EDIL3: variants seen among roughly 807,000 people sequenced by gnomAD.
EDIL3 encodes EGF-like repeat and discoidin I-like domain-containing protein 3.
EDIL3 carries 37 observed loss-of-function variants against 67.4 expected under a neutral mutation model. That is an observed-to-expected ratio of 0.55 (90% confidence interval 0.42 to 0.72). The LOEUF is 0.72. Ranked by LOEUF, EDIL3 falls within the 30% of genes least tolerant of loss-of-function variation. The probability of loss-of-function intolerance (pLI) is 0.00; values close to 1 mark genes in which losing one functional copy is unlikely to be tolerated. For synonymous variants in EDIL3, 195 were observed against 196.3 expected, an observed-to-expected ratio of 0.99 and a Z score of 0.05; for missense variants, 527 against 586.3, an observed-to-expected ratio of 0.90 and a Z score of 1.04.
chr5:84,178,086 C>T (rs1409824621), intron 4 of EDIL3, among the ~76,000 whole-genome samples: 1 of 152,118 alleles, frequency 6.6e-6, no homozygotes, highest in African/African-American at 2.4e-5. Context: ...TTGATTTTCA[C>T]AAACCTTAAA....
chr5:84,093,221 A>AT (rs1376186704), intron 6 of EDIL3, among the ~76,000 whole-genome samples: 6 of 150,578 alleles, frequency 4.0e-5, no homozygotes, highest in Admixed American at 4.0e-4. Context: ...CTATTCTTCT[A>AT]TTAGTCAATT....
intron 1 of EDIL3, among the ~76,000 whole-genome samples, chr5:84,326,944 C>T (rs943180322): frequency 1.3e-5 from 2 of 151,722 alleles, no homozygotes; most frequent in African/African-American, 4.8e-5. Context: ...GATGTACCCT[C>T]CTCTACTGCA....
intron 6 of EDIL3, among the ~76,000 whole-genome samples, chr5:84,094,181 T>G (rs976708353): frequency 6.6e-6 from 1 of 152,342 alleles, no homozygotes; most frequent in Admixed American, 6.5e-5. Context: ...TGCATAGTGC[T>G]TTTTTAATTT....
At chr5:84,239,731 G>A (rs772205758) in intron 2 of EDIL3, among the ~76,000 whole-genome samples, 1 of 152,122 alleles carries the variant, frequency 6.6e-6, no homozygotes, top group Non-Finnish European at 1.5e-5. Flanking sequence ...TCTTTGCAAC[G>A]GGAAAGAATT....
rs552581022 is a variant in EDIL3, at chr5:84,212,753, A to C, written c.226+17102T>G. Among the ~76,000 whole-genome samples, 8 of 152,312 alleles carry C rather than the reference A, an allele frequency of 5.3e-5. No individual in the cohort carries two copies. The East Asian group carries it at 1.5e-3, about 29-fold the overall frequency. On this transcript the variant is annotated intron_variant, in intron 3 of 10. Transcript: ENST00000296591. ...ATAAGCACAACATGTGTGACCTGGA[A>C]TAGAGAAGACCGCCCTGCCTCCTAG...
At position 84,230,887 on chromosome 5, in the gene EDIL3, G is replaced by C. The variant is rs73142603; in HGVS notation, c.197-1003C>G. ...GACACCGGAACCTGCATTTTAAAGA[G>C]TGACCCCAGGTGGTTCTGACTTATG... is the stretch of plus-strand genomic sequence containing the variant. On this transcript the variant is annotated intron_variant, in intron 2 of 10. Transcript: ENST00000296591. 3.2e-3 allele frequency among the ~76,000 whole-genome samples: 483 copies of C among 152,048 alleles called. 1 individual carries two copies. The highest frequency in any genetic ancestry group is 0.011 in the African/African-American group (467 of 41,452).
intron 3 of EDIL3, among the ~76,000 whole-genome samples, chr5:84,190,797 C>T (rs900574486): frequency 2.0e-5 from 3 of 151,812 alleles, no homozygotes; most frequent in African/African-American, 7.3e-5. Context: ...ATTGCTTCAT[C>T]CTCTAATTAT....
intron 3 of EDIL3, among the ~76,000 whole-genome samples, chr5:84,214,224 AAAAC>A (rs1371832682): frequency 1.4e-4 from 21 of 152,350 alleles, no homozygotes; most frequent in African/African-American, 4.8e-4. Context: ...CAAAAACAGA[AAAAC>A]AAAGATCAAT....
intron 1 of EDIL3, among the ~76,000 whole-genome samples, chr5:84,365,115 T>C (rs1747702282): frequency 6.6e-6 from 1 of 152,088 alleles, no homozygotes; most frequent in Non-Finnish European, 1.5e-5. Flanking sequence ...TTAAGTGCAA[T>C]ATGCACTTAT....
chr5:84,371,478 A>AAGAG (rs1276446934), intron 1 of EDIL3, among the ~76,000 whole-genome samples: 1 of 114,208 alleles, frequency 8.8e-6, no homozygotes, highest in Non-Finnish European at 1.9e-5. Context: ...GAGAGAGAGA[A>AAGAG]AGAGAGAGAG....
intron 6 of EDIL3, among the ~76,000 whole-genome samples, chr5:84,106,309 T>G (rs1747459419): frequency 6.6e-6 from 1 of 152,124 alleles, no homozygotes; most frequent in African/African-American, 2.4e-5. Flanking sequence ...GATATAATTT[T>G]TATGTTCTTA....
rs34360330 is a variant in EDIL3 at position 83,987,869 on chromosome 5, GTATA to G, written c.1138-24513_1138-24510del. Among the ~76,000 whole-genome samples the G allele has an allele frequency of 2.0e-3, 273 of 138,250 alleles. 2 individuals carry two copies. The highest frequency in any genetic ancestry group is 5.0e-3 in the Admixed American group (70 of 14,084). The allele number at this position is 138,250 out of a possible 152,430, so 90.7% of individuals were successfully genotyped here. A position where few individuals can be genotyped will look rare whatever the true frequency, so the allele number is the denominator to read the frequency against. ...CAGCTGATAGGGTGTGTGTGTGTAT[GTATA>G]TATATATATATATATATATAGCTTA... On this transcript the variant is annotated intron_variant, in intron 9 of 10. Coordinates refer to ENST00000296591, the MANE Select transcript of EDIL3 (RefSeq NM_005711.5).
intron 1 of EDIL3, among the ~76,000 whole-genome samples, chr5:84,312,282 G>C (rs1455666641): frequency 7.0e-6 from 1 of 142,842 alleles, no homozygotes. Flanking sequence ...GGCCGGGCGG[G>C]GGCTGACCCC....
chr5:84,359,435 C>T (rs932930874), intron 1 of EDIL3, among the ~76,000 whole-genome samples: 1 of 152,118 alleles, frequency 6.6e-6, no homozygotes, highest in African/African-American at 2.4e-5. Flanking sequence ...ATAACAAACA[C>T]AAGACTTAAA....
intron 2 of EDIL3, among the ~76,000 whole-genome samples, chr5:84,246,492 T>C (rs1744911813): frequency 6.6e-6 from 1 of 152,220 alleles, no homozygotes; most frequent in South Asian, 2.1e-4. Context: ...TTTTAATAAA[T>C]CCATTAAACT....
At chr5:84,196,038 G>A (rs186034196) in intron 3 of EDIL3, among the ~76,000 whole-genome samples, 2 of 151,992 alleles carry the variant, frequency 1.3e-5, no homozygotes, top group Admixed American at 1.3e-4. Context: ...CTGTGCCTAT[G>A]CTATCCCTTG....
chr5:84,334,675 T>A (rs1429021577), intron 1 of EDIL3, among the ~76,000 whole-genome samples: 1 of 152,198 alleles, frequency 6.6e-6, no homozygotes, highest in East Asian at 1.9e-4. Context: ...AGTATCATCA[T>A]CAAAAGATAC....
intron 4 of EDIL3, among the ~76,000 whole-genome samples, chr5:84,153,215 T>C (rs1423199014): frequency 1.3e-5 from 2 of 152,200 alleles, no homozygotes; most frequent in Non-Finnish European, 2.9e-5. Flanking sequence ...TACTACTTGT[T>C]CATCAGTTTT....
At position 84,252,603 on chromosome 5, in the gene EDIL3, ATAT is replaced by A. The variant is rs926907990; in HGVS notation, c.196+1478_196+1480del. Among the ~76,000 whole-genome samples, 6 of 151,918 alleles carry A rather than the reference ATAT, an allele frequency of 3.9e-5. No individual in the cohort carries two copies. The East Asian group carries it at 5.8e-4, about 15-fold the overall frequency. On this transcript the variant is annotated intron_variant, in intron 2 of 10. Coordinates refer to ENST00000296591, the MANE Select transcript of EDIL3 (RefSeq NM_005711.5). ...TTGGATCTTTCAAATAGTGCCAAAAATATTATATACTATTATACAACTCGAAGG... is the reference window on the plus strand; with the variant it reads ...TTGGATCTTTCAAATAGTGCCAAAAATATATACTATTATACAACTCGAAGG...
Sources: allele counts gnomAD v4.1 joint callset (sites outside exome capture counted in the v4.1 genomes callset), GRCh38; gene constraint gnomAD v4.1.1; transcripts MANE v1.5; gene names NCBI Gene and HGNC (gene_info 2026-07-23, HGNC 2026-07-21).